RAPGEFL1: variants seen among roughly 807,000 people sequenced by gnomAD.
RAPGEFL1 encodes the protein rap guanine nucleotide exchange factor-like 1.
In RAPGEFL1, 31 loss-of-function variants were observed where a neutral mutation model predicts 64.4. The ratio of observed to expected loss-of-function variants is 0.48; its 90% CI spans 0.36 to 0.65. RAPGEFL1 has a LOEUF of 0.65. Among genes scored for constraint, RAPGEFL1 ranks in the 30% least tolerant of loss-of-function variants. The probability of loss-of-function intolerance (pLI) is 0.00; values close to 1 mark genes in which losing one functional copy is unlikely to be tolerated. For synonymous variants in RAPGEFL1, 331 were observed against 274.1 expected, an observed-to-expected ratio of 1.21 and a Z score of -2.05; for missense variants, 682 against 677.4, an observed-to-expected ratio of 1.01 and a Z score of -0.08.
chr17:40,178,280 CG>C lies in RAPGEFL1; in HGVS notation c.420del (p.Trp142GlyfsTer14). The C allele has an allele frequency of 1.5e-6, 1 of 648,208 alleles. No homozygotes were observed. Among genetic ancestry groups the C allele is most frequent in the Admixed American group, 2.2e-5 (1 of 44,596 alleles). 40.2% of individuals were successfully genotyped at this position (648,208 alleles called of 1,614,324 possible). A position where few individuals can be genotyped will look rare whatever the true frequency, so the allele number is the denominator to read the frequency against. On this transcript the variant is annotated frameshift_variant, in exon 1 of 15. Transcript: ENST00000620260. LOFTEE classifies it high-confidence loss of function. ...ELSPGEPLTS[P>X]PWAPLGAPER... Reference sequence around the variant, plus strand: ...TCCCCAGGCGAGCCCTTGACTTCGCCGCCCTGGGCCCCTCTGGGCGCCCCCG... The same window carrying C: ...TCCCCAGGCGAGCCCTTGACTTCGCCCCCTGGGCCCCTCTGGGCGCCCCCG...
chr17:40,188,932 A>G lies in RAPGEFL1; in HGVS notation c.900A>G (p.Ile300Met). The G allele has an allele frequency of 6.2e-7, 1 of 1,614,202 alleles. No individual in the cohort carries two copies. The highest frequency in any genetic ancestry group is 8.5e-7 in the Non-Finnish European group (1 of 1,180,032). ...VKPLFRHFRRIDSCLQTRVAF... is the reference protein window; with the variant it reads ...VKPLFRHFRRMDSCLQTRVAF... ...CACTCTTCCGCCACTTCCGCCGGAT[A>G]GACTCCTGTCTGCAGACCCGGGTGG... Residue 300 changes from isoleucine to methionine, a missense_variant, in exon 5 of 15, where the codon ATA (isoleucine) becomes ATG (methionine). By Grantham distance (10) the Ile-to-Met change is conservative. Around this residue, in one of 2 missense-constraint regions of RAPGEFL1, gnomAD observed 411 missense variants for 519.4 expected, o/e 0.79. Transcript: ENST00000620260.
Position 40,194,270 on chromosome 17 carries a change from T to A in RAPGEFL1, c.*482T>A, listed in dbSNP as rs1990385949. On this transcript the variant is annotated 3_prime_UTR_variant, in exon 15 of 15. Coordinates refer to ENST00000620260, the MANE Select transcript of RAPGEFL1 (RefSeq NM_016339.6). ...GTGTGTGTGTGTGTGTGTGTGTGTGTGTGTGTGTGTGTGTGTGTGTCTTCT... is the reference window on the plus strand; with the variant it reads ...GTGTGTGTGTGTGTGTGTGTGTGTGAGTGTGTGTGTGTGTGTGTGTCTTCT... 1 of 170,026 alleles carries A rather than the reference T, an allele frequency of 5.9e-6. No individual in the cohort carries two copies. The highest frequency in any genetic ancestry group is 2.4e-5 in the African/African-American group (1 of 41,318). The allele number at this position is 170,026 out of a possible 1,614,324, so 10.5% of individuals were successfully genotyped here.
intron 5 of RAPGEFL1, 91 bp downstream of exon 5, chr17:40,189,069 G>C (rs1990173775): frequency 6.8e-7 from 1 of 1,474,420 alleles, no homozygotes; most frequent in African/African-American, 1.4e-5. Flanking sequence ...GCATCTCCCT[G>C]GGTGGTAGAA....
chr17:40,180,104 C>T (rs78465383), intron 1 of RAPGEFL1, among the ~76,000 whole-genome samples: 17 of 152,312 alleles, frequency 1.1e-4, no homozygotes, highest in Admixed American at 4.6e-4. Flanking sequence ...TTCCTTTGCT[C>T]CAGCTTAGGA....
chr17:40,189,954 CAAA>C (rs34471525), intron 6 of RAPGEFL1, among the ~76,000 whole-genome samples: 1 of 142,798 alleles, frequency 7.0e-6, no homozygotes. Flanking sequence ...AACTCCGTCT[CAAA>C]AAAAAAAAAA....
chr17:40,180,279 G>A (rs1409377071), intron 1 of RAPGEFL1, among the ~76,000 whole-genome samples: 1 of 152,116 alleles, frequency 6.6e-6, no homozygotes, highest in Non-Finnish European at 1.5e-5. Flanking sequence ...CTTTTACAGG[G>A]GCCTGGTGCC....
At chr17:40,193,318 C>T (rs749820414) in intron 13 of RAPGEFL1, 45 bp from the exon 14 acceptor site, 32 of 1,599,760 alleles carry the variant, frequency 2.0e-5, no homozygotes, top group Non-Finnish European at 2.7e-5. Context: ...GAGGGGGAGC[C>T]TCTTTCTGTG....
chr17:40,184,264 A>C lies in RAPGEFL1; in HGVS notation c.650A>C (p.Gln217Pro). Reference protein sequence around the residue: ...MEGPEGLGRKQACLAMLLHFL... With the variant: ...MEGPEGLGRKPACLAMLLHFL... ...GGCCCTGAAGGGCTGGGCCGGAAGC[A>C]AGCCTGTCTAGCCATGCTTCTCCAT... is the stretch of plus-strand genomic sequence containing the variant. Residue 217 changes from glutamine (Q) to proline (P), a missense_variant, in exon 3 of 15, where the codon CAA becomes CCA. Around this residue, in one of 2 missense-constraint regions of RAPGEFL1, gnomAD observed 271 missense variants for 158.0 expected, o/e 1.72. Transcript: ENST00000620260. 6.2e-7 allele frequency: 1 copy of C among 1,613,808 alleles called. No homozygotes were observed. Among genetic ancestry groups the C allele is most frequent in the Non-Finnish European group, 8.5e-7 (1 of 1,179,932 alleles).
chr17:40,181,635 T>C lies in RAPGEFL1; in HGVS notation c.540T>C (p.Ile180=). Residue 180 remains isoleucine, a synonymous_variant, in exon 2 of 15, where the codon ATT becomes ATC. Transcript: ENST00000620260. ...SAASDILLDD[I]VLTHSLFLPT... ...TTACAGATATCCTGCTGGATGACATTGTCCTTACCCATTCTCTCTTCCTCC... is the reference window on the plus strand; with the variant it reads ...TTACAGATATCCTGCTGGATGACATCGTCCTTACCCATTCTCTCTTCCTCC... The C allele has an allele frequency of 1.4e-6, 1 of 702,882 alleles. No homozygotes were observed. Among genetic ancestry groups the C allele is most frequent in the Non-Finnish European group, 2.6e-6 (1 of 384,892 alleles). The allele number at this position is 702,882 out of a possible 1,614,324, so 43.5% of individuals were successfully genotyped here.
In RAPGEFL1 at chr17:40,191,822, A is replaced by G. The variant is rs962521809; in HGVS notation, c.1605+150A>G. On this transcript the variant is annotated intron_variant, in intron 10 of 14. Transcript: ENST00000620260. The surrounding 1 kb of genome is among the most constrained non-coding windows in gnomAD (Gnocchi z 5.1). Reference sequence around the variant, plus strand: ...TCTGGCATACGCAACCCCAGGGCGCACAGCTTGGCTAATGGACCCTGTCTT... The same window carrying G: ...TCTGGCATACGCAACCCCAGGGCGCGCAGCTTGGCTAATGGACCCTGTCTT... The G allele has an allele frequency of 2.6e-6, 2 of 779,132 alleles. No homozygotes were observed. Among genetic ancestry groups the G allele is most frequent in the African/African-American group, 3.5e-5 (2 of 57,148 alleles). The allele number at this position is 779,132 out of a possible 1,614,324, so 48.3% of individuals were successfully genotyped here. A position where few individuals can be genotyped will look rare whatever the true frequency, so the allele number is the denominator to read the frequency against.
Position 40,191,763 on chromosome 17 carries a change from G to A in RAPGEFL1, c.1605+91G>A, listed in dbSNP as rs2145224779. On this transcript the variant is annotated intron_variant, in intron 10 of 14. Transcript: ENST00000620260. This position sits in a 1 kb window ranked among gnomAD's most constrained non-coding sequence, Gnocchi z 5.1. ...CCCGGGACGGCCGCCGGCCTGGAGG[G>A]AGTCTTTGCGCCAGTTGGAGGGAGG... 5 of 1,323,040 alleles carry A rather than the reference G, an allele frequency of 3.8e-6. No homozygotes were observed. The South Asian group carries it at 5.1e-5, about 13-fold the overall frequency. The allele number at this position is 1,323,040 out of a possible 1,614,324, so 82.0% of individuals were successfully genotyped here.
At position 40,191,222 on chromosome 17, in the gene RAPGEFL1, G is replaced by T; in HGVS notation, c.1336-94G>T. The T allele has an allele frequency of 8.6e-7, 1 of 1,162,064 alleles. No individual in the cohort carries two copies. The highest frequency in any genetic ancestry group is 1.2e-6 in the Non-Finnish European group (1 of 861,028). The allele number at this position is 1,162,064 out of a possible 1,614,324, so 72.0% of individuals were successfully genotyped here. On this transcript the variant is annotated intron_variant, in intron 8 of 14. Coordinates refer to ENST00000620260, the MANE Select transcript of RAPGEFL1 (RefSeq NM_016339.6). The surrounding 1 kb of genome is among the most constrained non-coding windows in gnomAD (Gnocchi z 5.1). ...CCACCCCTTCCGCCCCCGCCCTCCT[G>T]CCTTTCGCTCCTCATCGCCTTGCAC...
chr17:40,191,040 A>ACAAT lies in RAPGEFL1; in HGVS notation c.1336-275_1336-272dup, dbSNP rs1486242243. The ACAAT allele has an allele frequency of 6.7e-6, 4 of 594,462 alleles. No homozygotes were observed. In the African/African-American group the frequency reaches 7.4e-5, roughly 11 times the overall value. 36.8% of individuals were successfully genotyped at this position (594,462 alleles called of 1,614,324 possible). A position where few individuals can be genotyped will look rare whatever the true frequency, so the allele number is the denominator to read the frequency against. ...ATTAAAGAAATAAAATAAGGCAGAG[A>ACAAT]CAATAATGCCTAGCAGATGGTTGTC... On this transcript the variant is annotated intron_variant, in intron 8 of 14. Coordinates refer to ENST00000620260, the MANE Select transcript of RAPGEFL1 (RefSeq NM_016339.6). This position sits in a 1 kb window ranked among gnomAD's most constrained non-coding sequence, Gnocchi z 5.1.
Position 40,192,615 on chromosome 17 carries a change from A to C in RAPGEFL1, c.1666A>C (p.Arg556=). 1 of 1,613,612 alleles carries C rather than the reference A, an allele frequency of 6.2e-7. No individual in the cohort carries two copies. Among genetic ancestry groups the C allele is most frequent in the Non-Finnish European group, 8.5e-7 (1 of 1,179,702 alleles). Residue 556 remains arginine (R), a synonymous_variant, in exon 12 of 15, where the codon AGG becomes CGG. Coordinates refer to ENST00000620260, the MANE Select transcript of RAPGEFL1 (RefSeq NM_016339.6). ...RKFENLTDPC[R]NHKSYREVIS... ...TCCTGTGGAATACTAGGACCCCTGC[A>C]GGAACCACAAAAGCTACCGAGAAGT... is the stretch of plus-strand genomic sequence containing the variant.
chr17:40,189,635 T>C (rs1217148876), intron 6 of RAPGEFL1, among the ~76,000 whole-genome samples: 1 of 151,950 alleles, frequency 6.6e-6, no homozygotes, highest in Non-Finnish European at 1.5e-5. Context: ...TAGTACATTA[T>C]GATTGCACCT....
In RAPGEFL1 at chr17:40,184,362, G is replaced by C; in HGVS notation, c.735+13G>C. 1.2e-6 allele frequency: 2 copies of C among 1,600,062 alleles called. No individual in the cohort carries two copies. Among genetic ancestry groups the C allele is most frequent in the Non-Finnish European group, 1.7e-6 (2 of 1,173,958 alleles). ...CCACATCATCAAGGTGGGCCTGGGG[G>C]AAGAGAAGGTGGGTAAACAGGCTAT... On this transcript the variant is annotated intron_variant, in intron 3 of 14. Transcript: ENST00000620260.
Position 40,178,128 on chromosome 17 carries a change from G to A in RAPGEFL1, c.267G>A (p.Ala89=), listed in dbSNP as rs1417957580. Residue 89 remains alanine, a synonymous_variant, in exon 1 of 15, where the codon GCG becomes GCA. Coordinates refer to ENST00000620260, the MANE Select transcript of RAPGEFL1 (RefSeq NM_016339.6). ...CTGAGGAGGAAGGAGGAGAGCCGGC[G>A]GGGGTCGCGGAGGAGCCGGGCAGCG... The part of the protein sequence containing the change: ...PPPEEEGGEP[A]GVAEEPGSGG... 6 of 561,276 alleles carry A rather than the reference G, an allele frequency of 1.1e-5. No homozygotes were observed. Among genetic ancestry groups the A allele is most frequent in the South Asian group, 1.0e-4 (5 of 48,366 alleles). 34.8% of individuals were successfully genotyped at this position (561,276 alleles called of 1,614,324 possible).
chr17:40,192,671 C>T lies in RAPGEFL1; in HGVS notation c.1722C>T (p.Pro574=), dbSNP rs746389244. 3 of 1,613,850 alleles carry T rather than the reference C, an allele frequency of 1.9e-6. No individual in the cohort carries two copies. The highest frequency in any genetic ancestry group is 1.1e-5 in the South Asian group (1 of 91,056). The change falls in exon 12 of 15, where the codon CCC becomes CCT. Residue 574 remains proline (P), a synonymous_variant. Transcript: ENST00000620260. ...CCAAAATGAAGCCCCCTGTGATTCC[C>T]TTCGTGCCTCTGATCCTCAAAGGTG... The part of the protein sequence containing the change: ...VISKMKPPVI[P]FVPLILKDLT...
At chr17:40,188,534 G>C in intron 4 of RAPGEFL1, 2 of 327,246 alleles carry the variant, frequency 6.1e-6, no homozygotes, top group Non-Finnish European at 1.2e-5. Flanking sequence ...CCAAATCCCA[G>C]TCCTCAAGAG....
Sources: gnomAD v4.1 joint callset for allele counts (sites outside exome capture counted in the v4.1 genomes callset) on GRCh38, gnomAD v4.1.1 for gene constraint, gnomAD v4.1.1 regional missense constraint, Gnocchi (gnomAD v3.1) non-coding constraint, MANE v1.5 for transcripts, NCBI Gene and HGNC (gene_info 2026-07-23, HGNC 2026-07-21) for gene names.